COL5A2: variants seen among roughly 807,000 people sequenced by gnomAD.
COL5A2 encodes the protein collagen type V alpha 2 chain, also known as collagen alpha-2(V) chain.
COL5A2 carries 23 observed loss-of-function variants against 208.2 expected under a neutral mutation model. The observed-to-expected ratio is 0.11, with a 90% CI of 0.08 to 0.16. The LOEUF (loss-of-function observed/expected upper bound fraction) is 0.16. Ranked by LOEUF, COL5A2 falls within the 10% of genes least tolerant of loss-of-function variation. The pLI, the probability that COL5A2 is intolerant of heterozygous loss-of-function variation, is 1.00. For missense variants in COL5A2, 1,590 were observed against 1,956.4 expected (o/e 0.81, Z 3.53); for synonymous variants, 625 against 628.5 (o/e 0.99, Z 0.08).
At chr2:189,353,984 C>A in the COL5A2 span, among the ~76,000 whole-genome samples, 1 of 152,018 alleles carries the variant, frequency 6.6e-6, no homozygotes, top group African/African-American at 2.4e-5. Context: ...ATTGACAGTT[C>A]TTAGAATGAA....
At chr2:189,422,818 T>C in the COL5A2 span, among the ~76,000 whole-genome samples, 1 of 150,800 alleles carries the variant, frequency 6.6e-6, no homozygotes, top group South Asian at 2.1e-4. Flanking sequence ...AGGTCAGGAG[T>C]TCGAGACCAG....
Position 189,179,750 on chromosome 2 carries a change from A to C in COL5A2, c.-146T>G, listed in dbSNP as rs1433555150. On this transcript the variant is annotated 5_prime_UTR_variant, in exon 1 of 54. Coordinates refer to ENST00000374866, the MANE Select transcript of COL5A2 (RefSeq NM_000393.5). The stretch of plus-strand genomic sequence containing the variant: ...AACCCCCTTTTTCAGCACCAGCTCC[A>C]GCACAGTCTGCGAAAACTTTTTTCA... 5 of 1,427,992 alleles carry C rather than the reference A, an allele frequency of 3.5e-6. No homozygotes were observed. The highest frequency in any genetic ancestry group is 4.7e-6 in the Non-Finnish European group (5 of 1,061,070). 88.5% of individuals were successfully genotyped at this position (1,427,992 alleles called of 1,614,324 possible). A position where few individuals can be genotyped will look rare whatever the true frequency, so the allele number is the denominator to read the frequency against.
intron 21 of COL5A2, 43 bp downstream of exon 21, chr2:189,067,972 T>C (rs1686188854): frequency 6.7e-7 from 1 of 1,483,122 alleles, no homozygotes; most frequent in Non-Finnish European, 9.4e-7. Context: ...GCCCTCGTAG[T>C]TAGATTACAC....
At chr2:189,345,695 G>A in the COL5A2 span, among the ~76,000 whole-genome samples, 2 of 152,182 alleles carry the variant, frequency 1.3e-5, no homozygotes, top group Non-Finnish European at 2.9e-5. Context: ...GCAATATGGA[G>A]GTTACTGGTG....
the COL5A2 span, among the ~76,000 whole-genome samples, chr2:189,372,352 G>T: frequency 6.6e-6 from 1 of 152,232 alleles, no homozygotes; most frequent in African/African-American, 2.4e-5. Context: ...GCCACTCAAA[G>T]TACTTGCTTT....
Position 189,113,933 on chromosome 2 carries a change from C to G in COL5A2, c.98-3484G>C, listed in dbSNP as rs376259869. Among the ~76,000 whole-genome samples the G allele has an allele frequency of 3.3e-5, 5 of 152,194 alleles. No individual in the cohort carries two copies. The East Asian group carries it at 5.8e-4, about 18-fold the overall frequency. Reference sequence around the variant, plus strand: ...GGGTTGGAATAAAAAGACACATTGTCTCAGTCTTGTGTTAACACCTAGAAG... The same window carrying G: ...GGGTTGGAATAAAAAGACACATTGTGTCAGTCTTGTGTTAACACCTAGAAG... On this transcript the variant is annotated intron_variant, in intron 1 of 53. Transcript: ENST00000374866.
At chr2:189,059,027 A>G (rs1410632280) in intron 31 of COL5A2, 134 bp from the exon 32 acceptor site, 1 of 677,600 alleles carries the variant, frequency 1.5e-6, no homozygotes, top group Admixed American at 2.7e-5. Flanking sequence ...AATTTAAAGA[A>G]AGAAAAGTAC....
the COL5A2 span, among the ~76,000 whole-genome samples, chr2:189,363,486 C>G: frequency 2.0e-5 from 3 of 152,084 alleles, no homozygotes; most frequent in Non-Finnish European, 4.4e-5. Context: ...GCTAAAGCAT[C>G]TTCACATTCC....
At chr2:189,226,407 G>GC (rs558488142), upstream of COL5A2, among the ~76,000 whole-genome samples, 29 of 152,224 alleles carry the variant, frequency 1.9e-4, no homozygotes, top group African/African-American at 6.7e-4. Flanking sequence ...AGAGGCACCT[G>GC]CATCCCAGGA....
the COL5A2 span, among the ~76,000 whole-genome samples, chr2:189,386,534 TAAAC>T: frequency 6.6e-6 from 1 of 152,082 alleles, no homozygotes; most frequent in African/African-American, 2.4e-5. Context: ...ATCAAGAAAT[TAAAC>T]AGACAGCTTA....
chr2:189,392,365 T>C, the COL5A2 span, among the ~76,000 whole-genome samples: 5 of 152,142 alleles, frequency 3.3e-5, no homozygotes, highest in Admixed American at 2.6e-4. Flanking sequence ...TTATCCTCTA[T>C]AGAAATAGTT....
intron 22 of COL5A2, 109 bp from the exon 23 acceptor site, chr2:189,066,606 A>G: frequency 7.4e-7 from 1 of 1,351,394 alleles, no homozygotes; most frequent in South Asian, 1.2e-5. Context: ...ATATGGAACA[A>G]TGAGATATTT....
chr2:189,154,003 C>T (rs1688196503), intron 1 of COL5A2, among the ~76,000 whole-genome samples: 1 of 152,100 alleles, frequency 6.6e-6, no homozygotes, highest in Non-Finnish European at 1.5e-5. Flanking sequence ...CTACTGACTG[C>T]AAACTCTGGC....
chr2:189,181,870 T>G (rs990887299), upstream of COL5A2, among the ~76,000 whole-genome samples: 1 of 152,234 alleles, frequency 6.6e-6, no homozygotes, highest in African/African-American at 2.4e-5. Context: ...CAGTCTCTCA[T>G]GGTTGCCACC....
At chr2:189,323,206 C>A in the COL5A2 span, among the ~76,000 whole-genome samples, 1 of 152,118 alleles carries the variant, frequency 6.6e-6, no homozygotes, top group African/African-American at 2.4e-5. Context: ...AAACCCACAG[C>A]CAATATCATA....
the COL5A2 span, among the ~76,000 whole-genome samples, chr2:189,386,909 G>A: frequency 6.6e-6 from 1 of 151,940 alleles, no homozygotes; most frequent in Non-Finnish European, 1.5e-5. Context: ...CTGTGGCGAG[G>A]AGTTTGGAGA....
the COL5A2 span, among the ~76,000 whole-genome samples, chr2:189,403,328 C>T: frequency 6.6e-6 from 1 of 152,188 alleles, no homozygotes; most frequent in Admixed American, 6.5e-5. Context: ...GTGGGCTTTT[C>T]TAAGTATAGG....
intron 1 of COL5A2, among the ~76,000 whole-genome samples, chr2:189,151,615 C>T (rs1471945288): frequency 6.6e-6 from 1 of 152,088 alleles, no homozygotes; most frequent in Non-Finnish European, 1.5e-5. Flanking sequence ...TGATAAGTTG[C>T]CAAGGTGTGT....
Position 189,088,731 on chromosome 2 carries a change from T to C in COL5A2, c.609A>G (p.Gly203=), listed in dbSNP as rs750247713. The C allele has an allele frequency of 1.2e-6, 2 of 1,613,904 alleles. No individual in the cohort carries two copies. Among genetic ancestry groups the C allele is most frequent in the Non-Finnish European group, 1.7e-6 (2 of 1,179,960 alleles). The change falls in exon 8 of 54, where the codon GGA becomes GGG. Residue 203 remains glycine, a synonymous_variant. Coordinates refer to ENST00000374866, the MANE Select transcript of COL5A2 (RefSeq NM_000393.5). The part of the protein sequence containing the change: ...AQMAGLDEKS[G]LGSQVGLMPG... ...GCATTAGTCCTACTTGACTCCCAAG[T>C]CCAGATTTTTCATCCAACCCAGCCA...
Sources: gnomAD v4.1 joint callset for allele counts (sites outside exome capture counted in the v4.1 genomes callset) on GRCh38, gnomAD v4.1.1 for gene constraint, MANE v1.5 for transcripts, NCBI Gene and HGNC (gene_info 2026-07-23, HGNC 2026-07-21) for gene names.